POGZ: variants seen among roughly 807,000 people sequenced by gnomAD.
The protein encoded by POGZ is pogo transposable element derived with ZNF domain.
POGZ carries 17 observed loss-of-function variants against 134.6 expected under a neutral mutation model. The observed-to-expected ratio is 0.13, with a 90% CI of 0.09 to 0.19. The LOEUF (loss-of-function observed/expected upper bound fraction) is 0.19. Among genes scored for constraint, POGZ ranks in the 10% least tolerant of loss-of-function variants. The probability of loss-of-function intolerance (pLI) is 1.00; values close to 1 mark genes in which losing one functional copy is unlikely to be tolerated. For synonymous variants in POGZ, 693 were observed against 657.1 expected (o/e 1.05, Z -0.84); for missense variants, 1,306 against 1,769.7 (o/e 0.74, Z 4.70).
At chr1:151,435,960 T>TC (rs543582526) in intron 3 of POGZ, among the ~76,000 whole-genome samples, 11 of 137,276 alleles carry the variant, frequency 8.0e-5, no homozygotes, top group African/African-American at 3.6e-4. Context: ...TTTCTTTTCT[T>TC]TTTTTTTTTT....
At chr1:151,453,997 G>A (rs1662466088) in intron 1 of POGZ, among the ~76,000 whole-genome samples, 1 of 152,166 alleles carries the variant, frequency 6.6e-6, no homozygotes, top group South Asian at 2.1e-4. Flanking sequence ...ATGAGAAAAA[G>A]ATCTGTTTTC....
chr1:151,419,094 C>T (rs1656359316), intron 10 of POGZ, among the ~76,000 whole-genome samples: 2 of 150,906 alleles, frequency 1.3e-5, no homozygotes, highest in African/African-American at 4.9e-5. Flanking sequence ...TGGCTCATGC[C>T]TATAATCCCA....
chr1:151,458,837 C>CG (rs1304000743), intron 1 of POGZ, among the ~76,000 whole-genome samples: 6 of 145,232 alleles, frequency 4.1e-5, no homozygotes, highest in South Asian at 4.2e-4. Context: ...CGGCGGGCGC[C>CG]GGGGGGCGGG....
chr1:151,448,955 C>T (rs1030684641), intron 1 of POGZ, among the ~76,000 whole-genome samples: 2 of 152,150 alleles, frequency 1.3e-5, no homozygotes, highest in Non-Finnish European at 2.9e-5. Flanking sequence ...ACATTTCAAA[C>T]GAAATTCTCA....
In POGZ at chr1:151,408,532, G is replaced by C. The variant is rs1654079494; in HGVS notation, c.2111C>G (p.Ser704Cys). The change falls in exon 14 of 19, where the codon TCT (serine) becomes TGT (cysteine). Residue 704 changes from serine to cysteine, a missense_variant. Physicochemically the swap from Ser to Cys is moderately radical, Grantham distance 112. Coordinates refer to ENST00000271715, the MANE Select transcript of POGZ (RefSeq NM_015100.4). The part of the protein sequence containing the change: ...RGQPRTVPVS[S>C]NDTPPSALQE... ...CAAGGCGCTGGGAGGTGTATCATTA[G>C]AGGATACAGGAACAGTTCGTGGCTG... 2 of 1,601,772 alleles carry C rather than the reference G, an allele frequency of 1.2e-6. No individual in the cohort carries two copies. The highest frequency in any genetic ancestry group is 2.7e-5 in the African/African-American group (2 of 73,920).
chr1:151,404,726 C>A lies in POGZ; in HGVS notation c.*76G>T. 6.7e-7 allele frequency: 1 copy of A among 1,492,458 alleles called. No individual in the cohort carries two copies. Among genetic ancestry groups the A allele is most frequent in the Non-Finnish European group, 8.9e-7 (1 of 1,122,664 alleles). 92.5% of individuals were successfully genotyped at this position (1,492,458 alleles called of 1,614,324 possible). Reference sequence around the variant, plus strand: ...AAACCAAATACCCCACCTGGTATGCCCCCTTTTCCCTAAGCCCCTTTACCC... The same window carrying A: ...AAACCAAATACCCCACCTGGTATGCACCCTTTTCCCTAAGCCCCTTTACCC... On this transcript the variant is annotated 3_prime_UTR_variant, in exon 19 of 19. Coordinates refer to ENST00000271715, the MANE Select transcript of POGZ (RefSeq NM_015100.4).
chr1:151,406,202 GATC>G lies in POGZ; in HGVS notation c.2830_2832del (p.Asp944del). 6.2e-7 allele frequency: 1 copy of G among 1,614,164 alleles called. No individual in the cohort carries two copies. The highest frequency in any genetic ancestry group is 1.6e-4 in the Middle Eastern group (1 of 6,062). ...TGGGTGACTGGGCTCCCTTCATCCT[GATC>G]ATCAACATTCAGACATTCGGCTCCC... is the stretch of plus-strand genomic sequence containing the variant. On this transcript the variant is annotated inframe_deletion, in exon 19 of 19. Transcript: ENST00000271715.
At position 151,408,446 on chromosome 1, in the gene POGZ, C is replaced by T. The variant is rs541476793; in HGVS notation, c.2197G>A (p.Val733Ile). ...DPLPVFLYPPVQRSIQKRAVR... is the reference protein window; with the variant it reads ...DPLPVFLYPPIQRSIQKRAVR... Reference sequence around the variant, plus strand: ...GCTCTCTTCTGGATGCTGCGCTGGACAGGGGGATAAAGGAAGACAGGCAGA... The same window carrying T: ...GCTCTCTTCTGGATGCTGCGCTGGATAGGGGGATAAAGGAAGACAGGCAGA... Residue 733 changes from valine to isoleucine, a missense_variant, in exon 14 of 19, where the codon GTC becomes ATC. By Grantham distance (29) the Val-to-Ile change is conservative. Transcript: ENST00000271715. 4 of 1,595,890 alleles carry T rather than the reference C, an allele frequency of 2.5e-6. No individual in the cohort carries two copies. In the South Asian group the frequency reaches 4.6e-5, roughly 18 times the overall value.
At chr1:151,433,855 A>T (rs1253339243) in intron 3 of POGZ, among the ~76,000 whole-genome samples, 4 of 152,078 alleles carry the variant, frequency 2.6e-5, no homozygotes, top group Non-Finnish European at 5.9e-5. Context: ...AGGCAATCAC[A>T]ATTCTGGTGC....
intron 10 of POGZ, among the ~76,000 whole-genome samples, chr1:151,420,172 A>G (rs953832705): frequency 6.6e-6 from 1 of 152,168 alleles, no homozygotes; most frequent in African/African-American, 2.4e-5. Context: ...TGGGTGGCAG[A>G]GCAAGACCCT....
intron 3 of POGZ, among the ~76,000 whole-genome samples, chr1:151,436,782 T>C (rs763960615): frequency 3.9e-5 from 6 of 152,246 alleles, no homozygotes; most frequent in Non-Finnish European, 8.8e-5. Flanking sequence ...CTTTTAGCTA[T>C]AACAAATGAT....
chr1:151,418,147 T>G (rs549669896), intron 10 of POGZ, among the ~76,000 whole-genome samples: 2 of 151,340 alleles, frequency 1.3e-5, no homozygotes, highest in African/African-American at 4.9e-5. Context: ...ACCCAGGAGG[T>G]GGAGGTTGTG....
chr1:151,411,098 A>ACT (rs1490042530), intron 12 of POGZ, among the ~76,000 whole-genome samples: 1 of 151,922 alleles, frequency 6.6e-6, no homozygotes, highest in African/African-American at 2.4e-5. Context: ...TGAACACATC[A>ACT]CTCCAGGGCT....
chr1:151,409,609 T>C (rs1197170133), intron 12 of POGZ, among the ~76,000 whole-genome samples: 1 of 152,202 alleles, frequency 6.6e-6, no homozygotes, highest in African/African-American at 2.4e-5. Context: ...AGTGTTGGGA[T>C]TACAGGCGTG....
In POGZ at chr1:151,403,762, C is replaced by T. The variant is rs1038864332; in HGVS notation, c.*1040G>A. On this transcript the variant is annotated 3_prime_UTR_variant, in exon 19 of 19. Coordinates refer to ENST00000271715, the MANE Select transcript of POGZ (RefSeq NM_015100.4). ...GTGGTCTTGTCTTTTTAAAGTTCAA[C>T]ACTTCTTGAACAATTAGCTCCTGGC... is the stretch of plus-strand genomic sequence containing the variant. The T allele has an allele frequency of 5.1e-6, 5 of 985,562 alleles. No individual in the cohort carries two copies. Among genetic ancestry groups the T allele is most frequent in the Non-Finnish European group, 6.0e-6 (5 of 829,814 alleles). 61.1% of individuals were successfully genotyped at this position (985,562 alleles called of 1,614,324 possible).
At chr1:151,413,423 G>A (rs985202866) in intron 10 of POGZ, among the ~76,000 whole-genome samples, 18 of 151,832 alleles carry the variant, frequency 1.2e-4, no homozygotes, top group African/African-American at 4.1e-4. Flanking sequence ...CCAGTGCACC[G>A]GCCAATTTTG....
intron 1 of POGZ, among the ~76,000 whole-genome samples, chr1:151,455,895 T>TTTTC (rs1553237638): frequency 3.8e-5 from 4 of 106,456 alleles, no homozygotes; most frequent in African/African-American, 1.9e-4. Flanking sequence ...AGTTTCTTTC[T>TTTTC]TTTTTTTTTT....
rs1265551062 is a variant in POGZ at position 151,416,387 on chromosome 1, A to G, written c.1679-3991T>C. On this transcript the variant is annotated intron_variant, in intron 10 of 18. Coordinates refer to ENST00000271715, the MANE Select transcript of POGZ (RefSeq NM_015100.4). ...GCCTGGCCAACATGCCTGTAGTCCCAGCTACTTGGAAGGATGAGGCAGGAG... is the reference window on the plus strand; with the variant it reads ...GCCTGGCCAACATGCCTGTAGTCCCGGCTACTTGGAAGGATGAGGCAGGAG... Among the ~76,000 whole-genome samples the G allele has an allele frequency of 4.6e-5, 7 of 152,038 alleles. No homozygotes were observed. The East Asian group carries it at 1.4e-3, about 29-fold the overall frequency.
chr1:151,455,705 T>G (rs1426227275), intron 1 of POGZ, among the ~76,000 whole-genome samples: 1 of 152,234 alleles, frequency 6.6e-6, no homozygotes, highest in Non-Finnish European at 1.5e-5. Context: ...TTTGCAAATC[T>G]CTTTTATGTC....
Sources: allele counts gnomAD v4.1 joint callset (sites outside exome capture counted in the v4.1 genomes callset), GRCh38; gene constraint gnomAD v4.1.1; transcripts MANE v1.5; gene names NCBI Gene and HGNC (gene_info 2026-07-23, HGNC 2026-07-21).